The following JAM3 variants were observed in gnomAD, a reference collection of about 807,000 sequenced individuals.
JAM3 encodes the protein junctional adhesion molecule 3.
In JAM3, 31 loss-of-function variants were observed where a neutral mutation model predicts 39.4. The ratio of observed to expected loss-of-function variants is 0.79; its 90% confidence interval spans 0.59 to 1.06. JAM3 has a LOEUF of 1.06. Ranked by LOEUF, JAM3 falls within the 50% of genes least tolerant of loss-of-function variation. The probability of loss-of-function intolerance (pLI) is 0.00; values close to 1 mark genes in which losing one functional copy is unlikely to be tolerated. For synonymous variants in JAM3, 182 were observed against 148.7 expected (o/e 1.22, Z -1.63); for missense variants, 455 against 391.4 (o/e 1.16, Z -1.37).
chr11:134,072,200 C>T (rs1389841777), intron 1 of JAM3, among the ~76,000 whole-genome samples: 1 of 152,142 alleles, frequency 6.6e-6, no homozygotes, highest in East Asian at 1.9e-4. Flanking sequence ...ATTCCTTCTC[C>T]ATAAATTCTT....
At chr11:134,080,871 C>T (rs1021508791) in intron 1 of JAM3, among the ~76,000 whole-genome samples, 30 of 152,074 alleles carry the variant, frequency 2.0e-4, no homozygotes, top group African/African-American at 5.3e-4. Context: ...GTTTGGAACT[C>T]GGTAGAGACT....
intron 1 of JAM3, among the ~76,000 whole-genome samples, chr11:134,121,821 G>GCGCGCGCACA (rs369702081): frequency 5.4e-5 from 8 of 148,516 alleles, no homozygotes; most frequent in African/African-American, 2.0e-4. Context: ...GCATGTGTGC[G>GCGCGCGCACA]CACACACACA....
chr11:134,125,642 G>A (rs928417415), intron 1 of JAM3, among the ~76,000 whole-genome samples: 1 of 152,186 alleles, frequency 6.6e-6, no homozygotes, highest in Admixed American at 6.5e-5. Context: ...ATCGATGGAT[G>A]CTGGGAAGCT....
intron 1 of JAM3, among the ~76,000 whole-genome samples, chr11:134,110,967 T>A (rs565270524): frequency 6.6e-6 from 1 of 152,004 alleles, no homozygotes; most frequent in South Asian, 2.1e-4. Flanking sequence ...AATCCCTGAC[T>A]CCCAAAACTG....
At chr11:134,135,777 G>C (rs1305423630) in intron 1 of JAM3, among the ~76,000 whole-genome samples, 3 of 151,984 alleles carry the variant, frequency 2.0e-5, no homozygotes, top group Non-Finnish European at 2.9e-5. Flanking sequence ...ATAAATAAAA[G>C]CTGTTGAATG....
At chr11:134,116,200 A>G (rs1310567328) in intron 1 of JAM3, among the ~76,000 whole-genome samples, 1 of 152,174 alleles carries the variant, frequency 6.6e-6, no homozygotes. Context: ...TAATTAATAA[A>G]TATTTCGGTG....
chr11:134,081,002 T>A (rs1941656533), intron 1 of JAM3, among the ~76,000 whole-genome samples: 1 of 152,184 alleles, frequency 6.6e-6, no homozygotes, highest in African/African-American at 2.4e-5. Context: ...TCTTGGTATA[T>A]TTTAGCTAAG....
chr11:134,106,413 A>G (rs1252701951), intron 1 of JAM3, among the ~76,000 whole-genome samples: 3 of 152,086 alleles, frequency 2.0e-5, no homozygotes, highest in Non-Finnish European at 2.9e-5. Context: ...AACCTAGGCA[A>G]TACCATTCAG....
At chr11:134,128,036 G>A (rs959310360) in intron 1 of JAM3, among the ~76,000 whole-genome samples, 2 of 151,992 alleles carry the variant, frequency 1.3e-5, no homozygotes, top group African/African-American at 4.8e-5. Context: ...GTTTATAAAA[G>A]TGAAATCAGT....
At chr11:134,094,716 C>G (rs545257551) in intron 1 of JAM3, among the ~76,000 whole-genome samples, 2 of 152,218 alleles carry the variant, frequency 1.3e-5, no homozygotes, top group South Asian at 2.1e-4. Context: ...TATACACTTT[C>G]GTGGCCCCTA....
intron 1 of JAM3, chr11:134,124,129 A>T (rs1240773530): frequency 6.7e-7 from 1 of 1,494,802 alleles, no homozygotes; most frequent in South Asian, 1.1e-5. Flanking sequence ...CCATCATCAA[A>T]TGGCCAATCT....
chr11:134,077,055 G>A (rs1297168366), intron 1 of JAM3, among the ~76,000 whole-genome samples: 1 of 151,856 alleles, frequency 6.6e-6, no homozygotes, highest in Non-Finnish European at 1.5e-5. Flanking sequence ...GGCTGGTCTC[G>A]AACTCCTGAC....
intron 1 of JAM3, among the ~76,000 whole-genome samples, chr11:134,080,385 G>T (rs1054674393): frequency 6.6e-6 from 1 of 152,206 alleles, no homozygotes; most frequent in African/African-American, 2.4e-5. Context: ...GCATGATATG[G>T]TTTGGCTCTG....
chr11:134,137,314 G>A (rs1192664773), intron 1 of JAM3, among the ~76,000 whole-genome samples: 3 of 152,114 alleles, frequency 2.0e-5, no homozygotes, highest in Admixed American at 2.0e-4. Flanking sequence ...TACCTTTTAT[G>A]TCCTCTAGTT....
chr11:134,125,437 CTTTA>C (rs919777080), intron 1 of JAM3, among the ~76,000 whole-genome samples: 3 of 152,194 alleles, frequency 2.0e-5, no homozygotes, highest in Non-Finnish European at 1.5e-5. Context: ...CCTCTTCCCA[CTTTA>C]TTTGTTGCTT....
chr11:134,132,738 T>C (rs112392432), intron 1 of JAM3, among the ~76,000 whole-genome samples: 3 of 152,128 alleles, frequency 2.0e-5, no homozygotes, highest in African/African-American at 7.2e-5. Flanking sequence ...TTCTCCCATC[T>C]TCACTGAGAG....
intron 5 of JAM3, chr11:134,145,490 T>C (rs1943055378): frequency 3.1e-6 from 1 of 323,722 alleles, no homozygotes. Context: ...AGGAAACAGA[T>C]TGGTCATGCA....
At position 134,151,133 on chromosome 11, in the gene JAM3, T is replaced by C. The variant is rs1301895997; in HGVS notation, c.*1952T>C. The stretch of plus-strand genomic sequence containing the variant: ...CCACTGTGTGCCTGGAGAATGGCTC[T>C]CACTACTCACCTTGTCTTTCAGCTT... On this transcript the variant is annotated 3_prime_UTR_variant, in exon 9 of 9. Coordinates refer to ENST00000299106, the MANE Select transcript of JAM3 (RefSeq NM_032801.5). The C allele has an allele frequency of 6.6e-6, 1 of 152,314 alleles. No homozygotes were observed. Among genetic ancestry groups the C allele is most frequent in the East Asian group, 1.9e-4 (1 of 5,202 alleles). The allele number at this position is 152,314 out of a possible 1,614,324, so 9.4% of individuals were successfully genotyped here. A position where few individuals can be genotyped will look rare whatever the true frequency, so the allele number is the denominator to read the frequency against.
chr11:134,129,658 AAAT>A (rs555722626), intron 1 of JAM3, among the ~76,000 whole-genome samples: 248 of 152,346 alleles, frequency 1.6e-3, no homozygotes, highest in Non-Finnish European at 2.5e-3. Flanking sequence ...GTAAGTTTTT[AAAT>A]AATATTTTAC....
Sources: allele counts gnomAD v4.1 joint callset (sites outside exome capture counted in the v4.1 genomes callset), GRCh38; gene constraint gnomAD v4.1.1; transcripts MANE v1.5; gene names NCBI Gene and HGNC (gene_info 2026-07-23, HGNC 2026-07-21).